Variants in CD8B2 observed in about 807,000 individuals in gnomAD.
CD8B2 encodes CD8B family member 2.
A neutral mutation model predicts 23.7 loss-of-function variants in CD8B2; 11 were observed. That is an observed-to-expected ratio of 0.46 (90% confidence interval 0.29 to 0.77). CD8B2 has a LOEUF of 0.77. Among genes scored for constraint, CD8B2 ranks in the 30% least tolerant of loss-of-function variants. The pLI is 0.09. For synonymous variants in CD8B2, 90 were observed against 109.3 expected (o/e 0.82, Z 1.10); for missense variants, 197 against 270.5 (o/e 0.73, Z 1.91).
At chr2:106,500,564 T>TAAATAAATAAATAAA (rs1194192057) in intron 3 of CD8B2, among the ~76,000 whole-genome samples, 2 of 101,726 alleles carry the variant, frequency 2.0e-5, no homozygotes, top group Non-Finnish European at 4.4e-5. Context: ...AAATAAATAA[T>TAAATAAATAAATAAA]TAAAAAATAC....
intron 5 of CD8B2, among the ~76,000 whole-genome samples, chr2:106,517,468 G>A (rs898544786): frequency 1.3e-5 from 2 of 151,918 alleles, no homozygotes; most frequent in African/African-American, 4.8e-5. Flanking sequence ...GCTGACTCTC[G>A]GTTGCCTGTG....
intron 5 of CD8B2, among the ~76,000 whole-genome samples, chr2:106,518,532 C>T (rs1679771703): frequency 6.6e-6 from 1 of 152,126 alleles, no homozygotes; most frequent in Admixed American, 6.6e-5. Flanking sequence ...TAGAGGAATA[C>T]CGAGTAGTAT....
At chr2:106,543,905 C>T (rs1680213459) in intron 5 of CD8B2, 2 of 397,662 alleles carry the variant, frequency 5.0e-6, no homozygotes, top group South Asian at 2.6e-4. Context: ...TGCTTATACA[C>T]TGAAAGTTTT....
chr2:106,517,299 T>C (rs1027990654), intron 5 of CD8B2, among the ~76,000 whole-genome samples: 4 of 152,102 alleles, frequency 2.6e-5, no homozygotes, highest in Admixed American at 6.5e-5. Context: ...ACATCCTCTC[T>C]ATTCGGGACC....
At chr2:106,522,825 GT>G (rs1021507727) in intron 5 of CD8B2, among the ~76,000 whole-genome samples, 2 of 152,140 alleles carry the variant, frequency 1.3e-5, no homozygotes, top group Non-Finnish European at 2.9e-5. Flanking sequence ...CAATATCTGA[GT>G]GAGGCAGGCA....
At chr2:106,528,177 G>C (rs1679941734) in intron 5 of CD8B2, among the ~76,000 whole-genome samples, 1 of 152,164 alleles carries the variant, frequency 6.6e-6, no homozygotes, top group Non-Finnish European at 1.5e-5. Flanking sequence ...TATTGACTTT[G>C]GAGAAATATC....
chr2:106,517,838 A>G (rs4676210), intron 5 of CD8B2, among the ~76,000 whole-genome samples: 149,607 of 151,940 alleles, frequency 0.98, 73,693 homozygotes, highest in East Asian at 1. Context: ...TCAGCCTCCC[A>G]AGGAGCTGGG....
chr2:106,528,276 T>A (rs963977338), intron 5 of CD8B2, among the ~76,000 whole-genome samples: 1 of 152,240 alleles, frequency 6.6e-6, no homozygotes, highest in Admixed American at 6.5e-5. Flanking sequence ...GTTATTGTGA[T>A]TTTAGTATCA....
chr2:106,532,159 T>A (rs1679996948), intron 5 of CD8B2, among the ~76,000 whole-genome samples: 1 of 152,254 alleles, frequency 6.6e-6, no homozygotes, highest in Non-Finnish European at 1.5e-5. Context: ...GGAGTTTGTA[T>A]GTGTAAAAAG....
At chr2:106,506,381 T>C (rs1457360344) in intron 5 of CD8B2, among the ~76,000 whole-genome samples, 1 of 152,120 alleles carries the variant, frequency 6.6e-6, no homozygotes, top group Non-Finnish European at 1.5e-5. Context: ...TGAGACCTCC[T>C]CACTCTCTTC....
At position 106,504,374 on chromosome 2, in the gene CD8B2, A is replaced by G. The variant is rs1354960267; in HGVS notation, c.620+49A>G. 4 of 1,554,286 alleles carry G rather than the reference A, an allele frequency of 2.6e-6. No homozygotes were observed. The East Asian group carries it at 7.3e-5, about 28-fold the overall frequency. On this transcript the variant is annotated intron_variant, in intron 5 of 5. Transcript: ENST00000643224. ...CCTTGGGTTCCTCAGCCCCTGCTGCAGCTTGCAGCCTCTAACTGCGGCGAG... is the reference window on the plus strand; with the variant it reads ...CCTTGGGTTCCTCAGCCCCTGCTGCGGCTTGCAGCCTCTAACTGCGGCGAG...
intron 5 of CD8B2, among the ~76,000 whole-genome samples, chr2:106,504,587 A>AG (rs1226963271): frequency 6.6e-6 from 1 of 151,280 alleles, no homozygotes; most frequent in Middle Eastern, 3.4e-3. Context: ...CCCCATCTAA[A>AG]AAAAAATTTA....
rs185285739 is a variant in CD8B2, at chr2:106,516,437, T to G, written c.620+12112T>G. ...GATGTACCCCTGGTTTGTGAAAATA[T>G]TGAGTCCCAATTTGATAACACCAAT... On this transcript the variant is annotated intron_variant, in intron 5 of 5. Transcript: ENST00000416057. 1.1e-3 allele frequency among the ~76,000 whole-genome samples: 174 copies of G among 152,330 alleles called. 1 individual carries two copies. Among genetic ancestry groups the G allele is most frequent in the African/African-American group, 4.0e-3 (165 of 41,566 alleles).
At position 106,522,514 on chromosome 2, in the gene CD8B2, C is replaced by A. The variant is rs201991536; in HGVS notation, c.620+18189C>A. On this transcript the variant is annotated intron_variant, in intron 5 of 5. Transcript: ENST00000416057. ...CCAAAGGTACTGGAGTGAAAATGCACCATTCTCAATTTCTTACTCTGTTCA... is the reference window on the plus strand; with the variant it reads ...CCAAAGGTACTGGAGTGAAAATGCAACATTCTCAATTTCTTACTCTGTTCA... 1.1e-4 allele frequency among the ~76,000 whole-genome samples: 16 copies of A among 152,238 alleles called. No homozygotes were observed. In the East Asian group the frequency reaches 3.1e-3, roughly 29 times the overall value.
At chr2:106,498,890 T>C (rs559789774) in intron 3 of CD8B2, among the ~76,000 whole-genome samples, 2 of 152,160 alleles carry the variant, frequency 1.3e-5, no homozygotes, top group African/African-American at 4.8e-5. Context: ...TTAGGGCTGT[T>C]CCTAAGACAA....
chr2:106,489,461 A>T (rs1679148635), intron 1 of CD8B2, among the ~76,000 whole-genome samples: 14 of 152,056 alleles, frequency 9.2e-5, no homozygotes. Context: ...GTGCTCAGTA[A>T]GCTGGCTCCT....
downstream of CD8B2, among the ~76,000 whole-genome samples, chr2:106,513,898 C>A (rs1463778671): frequency 6.6e-6 from 1 of 152,192 alleles, no homozygotes; most frequent in Non-Finnish European, 1.5e-5. Flanking sequence ...CCTGCAGCCA[C>A]ACTGATGCTT....
intron 1 of CD8B2, among the ~76,000 whole-genome samples, chr2:106,488,574 T>C (rs1298743547): frequency 6.6e-6 from 1 of 152,240 alleles, no homozygotes; most frequent in Admixed American, 6.5e-5. Flanking sequence ...AGCCCCACTG[T>C]GTGCTCGTGA....
intron 5 of CD8B2, among the ~76,000 whole-genome samples, chr2:106,523,289 A>G (rs1256126649): frequency 1.3e-5 from 2 of 152,158 alleles, no homozygotes; most frequent in Non-Finnish European, 2.9e-5. Context: ...CTTCCTTACT[A>G]TCCTGTTCAT....
Sources: allele counts gnomAD v4.1 joint callset (sites outside exome capture counted in the v4.1 genomes callset), GRCh38; gene constraint gnomAD v4.1.1; transcripts MANE v1.5; gene names NCBI Gene and HGNC (gene_info 2026-07-23, HGNC 2026-07-21).